COL4A1: variants seen among roughly 807,000 people sequenced by gnomAD.
COL4A1 encodes collagen type IV alpha 1 chain.
Under a neutral mutation model 216.6 loss-of-function variants are expected in COL4A1, and 40 were observed. That is an observed-to-expected ratio of 0.18 (90% CI 0.14 to 0.24). COL4A1 has a LOEUF of 0.24. Ranked by LOEUF, COL4A1 falls within the 10% of genes least tolerant of loss-of-function variation. The pLI, the probability that COL4A1 is intolerant of heterozygous loss-of-function variation, is 1.00. For missense variants in COL4A1, 1,628 were observed against 2,196.8 expected, an observed-to-expected ratio of 0.74 and a Z score of 5.18; for synonymous variants, 839 against 810.7, an observed-to-expected ratio of 1.03 and a Z score of -0.59.
In COL4A1 at chr13:110,257,317, CT is replaced by C. The variant is rs1882621118; in HGVS notation, c.85-14584del. 2.0e-5 allele frequency among the ~76,000 whole-genome samples: 3 copies of C among 152,194 alleles called. No individual in the cohort carries two copies. In the South Asian group the frequency reaches 6.2e-4, roughly 31 times the overall value. ...ATTTGACAAGTGGTCAGAGATCCATCTGGGAGACTTCCATGCGACATCCTTC... is the reference window on the plus strand; with the variant it reads ...ATTTGACAAGTGGTCAGAGATCCATCGGGAGACTTCCATGCGACATCCTTC... On this transcript the variant is annotated intron_variant, in intron 1 of 51. Transcript: ENST00000375820.
intron 36 of COL4A1, 102 bp from the exon 37 acceptor site, chr13:110,175,459 G>C (rs1007444553): frequency 1.0e-5 from 16 of 1,552,780 alleles, no homozygotes; most frequent in Non-Finnish European, 1.4e-5. Flanking sequence ...ATACAAGAAC[G>C]TGAATCCCCC....
chr13:110,156,822 G>A (rs1399605497), intron 49 of COL4A1, among the ~76,000 whole-genome samples: 1 of 152,180 alleles, frequency 6.6e-6, no homozygotes, highest in East Asian at 1.9e-4. Flanking sequence ...GGATCAGAAG[G>A]GGGAATAGGG....
At chr13:110,285,965 T>C (rs1034732894) in intron 1 of COL4A1, among the ~76,000 whole-genome samples, 3 of 152,190 alleles carry the variant, frequency 2.0e-5, no homozygotes, top group Non-Finnish European at 4.4e-5. Flanking sequence ...TCCAAAGCCT[T>C]GGTTAGACCC....
intron 1 of COL4A1, among the ~76,000 whole-genome samples, chr13:110,249,347 A>G (rs913002926): frequency 1.3e-5 from 2 of 152,098 alleles, no homozygotes; most frequent in Admixed American, 1.3e-4. Flanking sequence ...ATTCGAGAAA[A>G]AGGGACGTGC....
At position 110,210,192 on chromosome 13, in the gene COL4A1, A is replaced by G; in HGVS notation, c.489T>C (p.Leu163=). ...PGMKGDPGEI[L]GHVPGMLLKG... Reference sequence around the variant, plus strand: ...TCAACAGCATCCCGGGCACATGGCCAAGTATCTCACCTGGATCACCCTAGA... The same window carrying G: ...TCAACAGCATCCCGGGCACATGGCCGAGTATCTCACCTGGATCACCCTAGA... The change falls in exon 9 of 52, where the codon CTT becomes CTC. Residue 163 remains leucine (L), a synonymous_variant. Coordinates refer to ENST00000375820, the MANE Select transcript of COL4A1 (RefSeq NM_001845.6). 6.2e-7 allele frequency: 1 copy of G among 1,613,806 alleles called. No individual in the cohort carries two copies. The highest frequency in any genetic ancestry group is 8.5e-7 in the Non-Finnish European group (1 of 1,180,038).
At chr13:110,233,812 C>T (rs1881176730) in intron 2 of COL4A1, among the ~76,000 whole-genome samples, 1 of 152,222 alleles carries the variant, frequency 6.6e-6, no homozygotes, top group Admixed American at 6.5e-5. Flanking sequence ...ACAAACACTA[C>T]CTAATGGCCC....
In COL4A1 at chr13:110,268,629, C is replaced by T. The variant is rs910714958; in HGVS notation, c.85-25895G>A. Among the ~76,000 whole-genome samples the T allele has an allele frequency of 6.6e-6, 1 of 152,222 alleles. No homozygotes were observed. The highest frequency in any genetic ancestry group is 1.5e-5 in the Non-Finnish European group (1 of 68,044). The stretch of plus-strand genomic sequence containing the variant: ...TTAAAATGCTGGCCGTGCCACTGTG[C>T]TCTGCTGGCCATTGGCTGCATGGCT... On this transcript the variant is annotated intron_variant, in intron 1 of 51. Coordinates refer to ENST00000375820, the MANE Select transcript of COL4A1 (RefSeq NM_001845.6). The surrounding 1 kb of genome is among the most constrained non-coding windows in gnomAD (Gnocchi z 4.1).
chr13:110,250,424 G>C (rs2070009269), intron 1 of COL4A1, among the ~76,000 whole-genome samples: 2 of 152,156 alleles, frequency 1.3e-5, no homozygotes, highest in Non-Finnish European at 2.9e-5. Flanking sequence ...GGAACAACAT[G>C]TGACTAAAGT....
At chr13:110,173,470 G>T (rs1456027796) in intron 40 of COL4A1, among the ~76,000 whole-genome samples, 1 of 151,976 alleles carries the variant, frequency 6.6e-6, no homozygotes, top group African/African-American at 2.4e-5. Context: ...CCAAGTTAAA[G>T]CCCACCAGTG....
chr13:110,229,361 T>C (rs1407508373), intron 2 of COL4A1, among the ~76,000 whole-genome samples: 2 of 152,096 alleles, frequency 1.3e-5, no homozygotes, highest in Non-Finnish European at 2.9e-5. Flanking sequence ...GAGGTCAGAG[T>C]CCCAACTCTT....
chr13:110,286,952 C>A (rs535590837), intron 1 of COL4A1, among the ~76,000 whole-genome samples: 1 of 152,186 alleles, frequency 6.6e-6, no homozygotes, highest in Non-Finnish European at 1.5e-5. Context: ...AGCTCTTCTT[C>A]GAAACAAGTT....
intron 20 of COL4A1, among the ~76,000 whole-genome samples, chr13:110,200,028 C>T (rs751621529): frequency 6.6e-6 from 1 of 152,106 alleles, no homozygotes; most frequent in Non-Finnish European, 1.5e-5. Flanking sequence ...TCTGCAAGAA[C>T]TTAGACCAGC....
chr13:110,271,229 T>C (rs941612809), intron 1 of COL4A1, among the ~76,000 whole-genome samples: 4 of 152,166 alleles, frequency 2.6e-5, no homozygotes, highest in Non-Finnish European at 4.4e-5. Context: ...CCACTGAACG[T>C]TGCAGCAAGA....
chr13:110,164,988 G>A lies in COL4A1; in HGVS notation c.4024C>T (p.Leu1342Phe). 6 of 1,604,018 alleles carry A rather than the reference G, an allele frequency of 3.7e-6. No homozygotes were observed. The highest frequency in any genetic ancestry group is 5.1e-6 in the Non-Finnish European group (6 of 1,175,930). Reference protein sequence around the residue: ...GDQGVPGAKGLPGPPGPPGPY... With the variant: ...GDQGVPGAKGFPGPPGPPGPY... ...CCTGGGGGGCCAGGAGGACCCGGGAGACCTGTGGGAATAGGGAAGGCATTG... is the reference window on the plus strand; with the variant it reads ...CCTGGGGGGCCAGGAGGACCCGGGAAACCTGTGGGAATAGGGAAGGCATTG... Residue 1342 changes from leucine (L) to phenylalanine (F), a missense_variant and splice_region_variant, in exon 46 of 52, where the codon CTC (leucine) becomes TTC (phenylalanine). By Grantham distance (22) the Leu-to-Phe change is conservative. Around this residue, in one of 8 missense-constraint regions of COL4A1, gnomAD observed 345 missense variants for 476.9 expected, o/e 0.72. Coordinates refer to ENST00000375820, the MANE Select transcript of COL4A1 (RefSeq NM_001845.6).
intron 2 of COL4A1, among the ~76,000 whole-genome samples, chr13:110,236,398 G>C (rs1881319047): frequency 6.6e-6 from 1 of 152,110 alleles, no homozygotes; most frequent in Non-Finnish European, 1.5e-5. Flanking sequence ...TGCTCATTTT[G>C]CATCTCTCAA....
intron 47 of COL4A1, among the ~76,000 whole-genome samples, chr13:110,162,831 G>A: frequency 6.6e-6 from 1 of 152,188 alleles, no homozygotes; most frequent in Middle Eastern, 3.2e-3. Context: ...TGTTGGGGAG[G>A]ACTATCATAG....
At chr13:110,169,525 C>CACACACACACAT (rs1259982232) in intron 43 of COL4A1, 104 bp downstream of exon 43, 30 of 1,501,524 alleles carry the variant, frequency 2.0e-5, no homozygotes, top group Non-Finnish European at 2.5e-5. Context: ...CACACACACA[C>CACACACACACAT]ATATATATAC....
chr13:110,289,334 C>A (rs1883988740), intron 1 of COL4A1, among the ~76,000 whole-genome samples: 1 of 152,316 alleles, frequency 6.6e-6, no homozygotes, highest in East Asian at 1.9e-4. Flanking sequence ...GGAGACCCTT[C>A]CCAAGGCAAA....
intron 1 of COL4A1, among the ~76,000 whole-genome samples, chr13:110,253,880 A>G (rs1882392870): frequency 6.6e-6 from 1 of 151,562 alleles, no homozygotes; most frequent in East Asian, 1.9e-4. Context: ...GTATATATAT[A>G]AAGTATAATG....
Sources: allele counts gnomAD v4.1 joint callset (sites outside exome capture counted in the v4.1 genomes callset), GRCh38; gene constraint gnomAD v4.1.1; regional missense constraint gnomAD v4.1.1; non-coding constraint Gnocchi (gnomAD v3.1); transcripts MANE v1.5; gene names NCBI Gene and HGNC (gene_info 2026-07-23, HGNC 2026-07-21).